Variants in TSHZ2 observed in about 807,000 individuals in gnomAD.
TSHZ2 encodes teashirt homolog 2.
TSHZ2 carries 21 observed loss-of-function variants against 74.4 expected under a neutral mutation model. The ratio of observed to expected loss-of-function variants is 0.28; its 90% CI spans 0.20 to 0.41. The LOEUF (loss-of-function observed/expected upper bound fraction) is 0.41, where lower values mean the gene tolerates loss of function less well. Among genes scored for constraint, TSHZ2 ranks in the 10% least tolerant of loss-of-function variants. The pLI is 1.00. For missense variants in TSHZ2, 1,244 were observed against 1,293.5 expected, an observed-to-expected ratio of 0.96 and a Z score of 0.59; for synonymous variants, 540 against 515.3, an observed-to-expected ratio of 1.05 and a Z score of -0.65.
intron 1 of TSHZ2, among the ~76,000 whole-genome samples, chr20:53,037,995 T>C (rs1057004023): frequency 1.3e-5 from 2 of 151,882 alleles, no homozygotes; most frequent in Non-Finnish European, 2.9e-5. Context: ...TCGTATTCAC[T>C]GTGCTGACAA....
At chr20:53,330,233 T>C (rs961202999) in intron 2 of TSHZ2, among the ~76,000 whole-genome samples, 1 of 152,160 alleles carries the variant, frequency 6.6e-6, no homozygotes, top group African/African-American at 2.4e-5. Context: ...TCATAAGAAG[T>C]GCAAGGAAAT....
chr20:53,321,702 A>G (rs1004169386), intron 2 of TSHZ2, among the ~76,000 whole-genome samples: 9 of 150,852 alleles, frequency 6.0e-5, no homozygotes, highest in South Asian at 4.2e-4. Context: ...AAAAAAAAAG[A>G]AAGACATTCC....
chr20:53,374,936 A>C (rs1035776878), intron 2 of TSHZ2, among the ~76,000 whole-genome samples: 4 of 152,130 alleles, frequency 2.6e-5, no homozygotes, highest in African/African-American at 9.7e-5. Context: ...AAAAAAAAAA[A>C]AAACACTATT....
chr20:53,008,067 A>T (rs1459439321), intron 1 of TSHZ2, among the ~76,000 whole-genome samples: 1 of 152,190 alleles, frequency 6.6e-6, no homozygotes, highest in East Asian at 1.9e-4. Flanking sequence ...TATTCAAGGC[A>T]AAAAAGACCA....
At chr20:53,184,671 A>C (rs761334897) in intron 1 of TSHZ2, among the ~76,000 whole-genome samples, 12 of 151,836 alleles carry the variant, frequency 7.9e-5, no homozygotes, top group Non-Finnish European at 1.6e-4. Flanking sequence ...AACAATCTCT[A>C]TTTTTCATTT....
intron 1 of TSHZ2, among the ~76,000 whole-genome samples, chr20:53,176,836 G>A (rs536244970): frequency 1.3e-4 from 19 of 151,460 alleles, no homozygotes; most frequent in South Asian, 8.4e-4. Context: ...ACAAGCATGC[G>A]TCACCACGCC....
chr20:53,003,177 CATTGTGGGGAGA>C (rs1982501985), intron 1 of TSHZ2, among the ~76,000 whole-genome samples: 8 of 151,852 alleles, frequency 5.3e-5, no homozygotes, highest in Non-Finnish European at 5.9e-5. Flanking sequence ...TACTGTCCTT[CATTGTGGGGAGA>C]AACATCCTGC....
At chr20:52,997,784 G>A (rs1046629955) in intron 1 of TSHZ2, among the ~76,000 whole-genome samples, 1 of 152,144 alleles carries the variant, frequency 6.6e-6, no homozygotes, top group Non-Finnish European at 1.5e-5. Context: ...CCAGGCAGAG[G>A]GTTTTGCTCT....
intron 2 of TSHZ2, among the ~76,000 whole-genome samples, chr20:53,475,056 A>G (rs1172493395): frequency 7.2e-6 from 1 of 138,800 alleles, no homozygotes; most frequent in Non-Finnish European, 1.5e-5. Context: ...CACATTAATA[A>G]TGGGAGACTT....
rs147981940 is a variant in TSHZ2, at chr20:53,022,475, C to T, written c.40+49142C>T. ...GATCAAATTGGGCCAAAGTTTCAAA[C>T]TGCCCTTAAATTTACCCAGAGAAAG... On this transcript the variant is annotated intron_variant, in intron 1 of 2. Coordinates refer to ENST00000371497, the MANE Select transcript of TSHZ2 (RefSeq NM_173485.6). 3.5e-4 allele frequency among the ~76,000 whole-genome samples: 53 copies of T among 152,326 alleles called. 1 individual carries two copies. The Middle Eastern group carries it at 0.014, about 39-fold the overall frequency.
At position 52,985,765 on chromosome 20, in the gene TSHZ2, G is replaced by A. The variant is rs16997382; in HGVS notation, c.40+12432G>A. Among the ~76,000 whole-genome samples the A allele has an allele frequency of 7.9e-3, 1,200 of 152,262 alleles. 23 individuals are homozygous for A. Among genetic ancestry groups the A allele is most frequent in the African/African-American group, 0.027 (1,136 of 41,542 alleles). ...GAGTTAAAATGAGAAAACCCAAGGAGCCGAAAGCATGTCTCTACGGGGAAA... is the reference window on the plus strand; with the variant it reads ...GAGTTAAAATGAGAAAACCCAAGGAACCGAAAGCATGTCTCTACGGGGAAA... On this transcript the variant is annotated intron_variant, in intron 1 of 2. Transcript: ENST00000371497.
At chr20:53,355,734 A>G (rs1980820824) in intron 2 of TSHZ2, among the ~76,000 whole-genome samples, 2 of 152,220 alleles carry the variant, frequency 1.3e-5, no homozygotes, top group African/African-American at 4.8e-5. Flanking sequence ...TACCTTTTAA[A>G]CAAATGAATT....
At chr20:53,220,728 C>A (rs541076482) in intron 1 of TSHZ2, among the ~76,000 whole-genome samples, 4 of 152,190 alleles carry the variant, frequency 2.6e-5, no homozygotes, top group East Asian at 1.9e-4. Context: ...TCCTGTGGCA[C>A]CTTGTAGGGT....
At chr20:53,375,174 AT>A (rs746382950) in intron 2 of TSHZ2, among the ~76,000 whole-genome samples, 1 of 152,206 alleles carries the variant, frequency 6.6e-6, no homozygotes, top group Non-Finnish European at 1.5e-5. Flanking sequence ...TTTTTAAATC[AT>A]TAGGAGAATA....
chr20:53,126,213 C>A (rs192635545), intron 1 of TSHZ2, among the ~76,000 whole-genome samples: 2 of 152,280 alleles, frequency 1.3e-5, no homozygotes, highest in Admixed American at 6.5e-5. Context: ...ACATAAACAT[C>A]GATTAGATTT....
At chr20:53,275,040 G>T (rs113610310) in intron 2 of TSHZ2, among the ~76,000 whole-genome samples, 2 of 152,088 alleles carry the variant, frequency 1.3e-5, no homozygotes, top group African/African-American at 4.8e-5. Context: ...CTGACAGCAC[G>T]GCTTATATTG....
intron 2 of TSHZ2, among the ~76,000 whole-genome samples, chr20:53,484,282 G>A (rs1986233412): frequency 6.6e-6 from 1 of 152,052 alleles, no homozygotes; most frequent in Admixed American, 6.6e-5. Context: ...TGCCTGTCAT[G>A]AGCTTGGAAG....
intron 1 of TSHZ2, among the ~76,000 whole-genome samples, chr20:53,161,100 A>G (rs901619301): frequency 2.1e-5 from 3 of 146,180 alleles, no homozygotes; most frequent in African/African-American, 5.0e-5. Context: ...TTGATTGTAC[A>G]TGACAGAAAC....
intron 2 of TSHZ2, among the ~76,000 whole-genome samples, chr20:53,322,380 G>T (rs1046651314): frequency 6.6e-6 from 1 of 152,122 alleles, no homozygotes; most frequent in Non-Finnish European, 1.5e-5. Flanking sequence ...AGGCGTGGTG[G>T]CAGGCGCCTG....
Sources: gnomAD v4.1 joint callset for allele counts (sites outside exome capture counted in the v4.1 genomes callset) on GRCh38, gnomAD v4.1.1 for gene constraint, MANE v1.5 for transcripts, NCBI Gene and HGNC (gene_info 2026-07-23, HGNC 2026-07-21) for gene names.